PCDH11X: variants seen among roughly 807,000 people sequenced by gnomAD.
The protein encoded by PCDH11X is protocadherin-11 X-linked.
In PCDH11X, 18 loss-of-function variants were observed where a neutral mutation model predicts 53.3. The observed-to-expected ratio is 0.34, with a 90% CI of 0.23 to 0.50. PCDH11X has a LOEUF of 0.50. PCDH11X is among the 20% of genes least tolerant of loss of function. PCDH11X has a pLI of 0.98. For synonymous variants in PCDH11X, 279 were observed against 393.3 expected, an observed-to-expected ratio of 0.71 and a Z score of 3.44; for missense variants, 570 against 1,032.4, an observed-to-expected ratio of 0.55 and a Z score of 6.14.
intron 6 of PCDH11X, among the ~76,000 whole-genome samples, chrX:92,013,189 G>T (rs2062722938): frequency 9.0e-6 from 1 of 111,274 alleles, no homozygotes; most frequent in Non-Finnish European, 1.9e-5. Flanking sequence ...CAAAGTCTCG[G>T]GATACAAAAT....
At position 92,187,666 on chromosome X, in the gene PCDH11X, G is replaced by A. The variant is rs186844860; in HGVS notation, c.3034-13709G>A. ...TTCTGTCAATACTGCTGAAATAACAGATGGTTGAGGTTTTCGTTTAACAAA... is the reference window on the plus strand; with the variant it reads ...TTCTGTCAATACTGCTGAAATAACAAATGGTTGAGGTTTTCGTTTAACAAA... On this transcript the variant is annotated intron_variant, in intron 6 of 10. Transcript: ENST00000682573. Among the ~76,000 whole-genome samples the A allele has an allele frequency of 3.6e-5, 4 of 111,702 alleles. 1 individual carries two copies. Among genetic ancestry groups the A allele is most frequent in the African/African-American group, 1.3e-4 (4 of 30,825 alleles).
chrX:91,974,668 T>C (rs1346557379), intron 6 of PCDH11X, among the ~76,000 whole-genome samples: 4 of 109,677 alleles, frequency 3.6e-5, no homozygotes, highest in Admixed American at 2.9e-4. Context: ...TATAAGAAGC[T>C]ACAATGGCCT....
chrX:92,546,299 T>G (rs1185481459), intron 10 of PCDH11X, among the ~76,000 whole-genome samples: 1 of 111,123 alleles, frequency 9.0e-6, no homozygotes. Context: ...AATATCCATC[T>G]ATCAGATTCT....
rs1936956724 is a variant in PCDH11X, at chrX:91,827,292, C to T, written c.-44-8169C>T. Among the ~76,000 whole-genome samples, 3 of 111,297 alleles carry T rather than the reference C, an allele frequency of 2.7e-5. No homozygotes were observed. In the South Asian group the frequency reaches 1.1e-3, roughly 42 times the overall value. ...AAAAGTGTCTCCTCATGTCCTTTGC[C>T]TACTTGTTCATGGGGTTGTTTTTTT... On this transcript the variant is annotated intron_variant, in intron 4 of 10. Coordinates refer to ENST00000682573, the MANE Select transcript of PCDH11X (RefSeq NM_032968.5).
chrX:91,867,504 A>T, intron 5 of PCDH11X, among the ~76,000 whole-genome samples: 1 of 107,652 alleles, frequency 9.3e-6, no homozygotes, highest in Non-Finnish European at 1.9e-5. Flanking sequence ...TTCTTCTAAA[A>T]CAAAAACAGA....
At chrX:92,611,112 G>T (rs867551709) in intron 10 of PCDH11X, among the ~76,000 whole-genome samples, 4 of 100,297 alleles carry the variant, frequency 4.0e-5, no homozygotes, top group Middle Eastern at 4.9e-3. Flanking sequence ...TTTTAGAACA[G>T]TTTTTTTTTT....
chrX:92,325,152 G>C (rs2069299955), intron 8 of PCDH11X, among the ~76,000 whole-genome samples: 1 of 110,934 alleles, frequency 9.0e-6, no homozygotes, highest in African/African-American at 3.3e-5. Flanking sequence ...GGAACAAAAA[G>C]ATAACTCGTT....
rs192480322 is a variant in PCDH11X at position 92,001,360 on chromosome X, G to T, written c.3033+122087G>T. Among the ~76,000 whole-genome samples, 639 of 110,913 alleles carry T rather than the reference G, an allele frequency of 5.8e-3. 8 individuals carry two copies. Among genetic ancestry groups the T allele is most frequent in the African/African-American group, 0.02 (602 of 30,494 alleles). ...TGAGCACCTTCTCATATGCCTGTTT[G>T]CCATTTGTATGTCTTGTTTTGAGAA... On this transcript the variant is annotated intron_variant, in intron 6 of 10. Transcript: ENST00000682573.
intron 7 of PCDH11X, among the ~76,000 whole-genome samples, chrX:92,259,055 A>T (rs1042569971): frequency 1.1e-4 from 12 of 110,363 alleles, no homozygotes; most frequent in Admixed American, 9.7e-5. Context: ...CAGCTTGGCT[A>T]TCTGTGTCCA....
intron 6 of PCDH11X, among the ~76,000 whole-genome samples, chrX:92,188,022 A>G (rs2066128989): frequency 9.0e-6 from 1 of 111,471 alleles, no homozygotes; most frequent in Admixed American, 9.6e-5. Flanking sequence ...TCTGATTGAG[A>G]CAATTTCACC....
chrX:92,007,227 A>G (rs1480424686), intron 6 of PCDH11X, among the ~76,000 whole-genome samples: 1 of 112,150 alleles, frequency 8.9e-6, no homozygotes, highest in Non-Finnish European at 1.9e-5. Context: ...ATGTGCGTCC[A>G]GAAGAACTGT....
At chrX:92,347,199 C>A (rs1569470570) in intron 8 of PCDH11X, among the ~76,000 whole-genome samples, 1 of 111,356 alleles carries the variant, frequency 9.0e-6, no homozygotes, top group Non-Finnish European at 1.9e-5. Flanking sequence ...CAGACATAAA[C>A]CATGTTACTA....
At position 92,614,837 on chromosome X, in the gene PCDH11X, G is replaced by A. The variant is rs143495718; in HGVS notation, c.3368-3427G>A. ...AAATTCCTAATCCAGGTCGGAGAGCGAGTGCTCCACATGCCTAGAGATATG... is the reference window on the plus strand; with the variant it reads ...AAATTCCTAATCCAGGTCGGAGAGCAAGTGCTCCACATGCCTAGAGATATG... On this transcript the variant is annotated intron_variant, in intron 10 of 10. Coordinates refer to ENST00000682573, the MANE Select transcript of PCDH11X (RefSeq NM_032968.5). Among the ~76,000 whole-genome samples, 298 of 111,932 alleles carry A rather than the reference G, an allele frequency of 2.7e-3. 4 individuals carry two copies. Among genetic ancestry groups the A allele is most frequent in the African/African-American group, 8.9e-3 (274 of 30,805 alleles).
chrX:92,610,063 C>T (rs1927210309), intron 10 of PCDH11X, among the ~76,000 whole-genome samples: 1 of 111,865 alleles, frequency 8.9e-6, no homozygotes, highest in African/African-American at 3.2e-5. Flanking sequence ...CATGCAAGTG[C>T]ATGTGTCTTT....
chrX:92,314,972 T>C (rs758431560), intron 8 of PCDH11X, among the ~76,000 whole-genome samples: 31 of 111,281 alleles, frequency 2.8e-4, no homozygotes, highest in Non-Finnish European at 4.7e-4. Flanking sequence ...ATGTTTAAAT[T>C]TGAACGCTTA....
intron 10 of PCDH11X, among the ~76,000 whole-genome samples, chrX:92,469,956 T>A (rs978575409): frequency 9.2e-6 from 1 of 108,447 alleles, no homozygotes; most frequent in Non-Finnish European, 1.9e-5. Flanking sequence ...TCGTGATTAT[T>A]TTACAGGGGT....
rs1385218159 is a variant in PCDH11X at position 92,155,831 on chromosome X, T to C, written c.3034-45544T>C. On this transcript the variant is annotated intron_variant, in intron 6 of 10. Transcript: ENST00000682573. The stretch of plus-strand genomic sequence containing the variant: ...TTTTAGTAGAGACGGGGTTTCACCA[T>C]ATTTGCCAGGATGGTCTCGATCTCC... Among the ~76,000 whole-genome samples the C allele has an allele frequency of 2.8e-5, 3 of 107,767 alleles. No homozygotes were observed. In the Admixed American group the frequency reaches 3.0e-4, roughly 11 times the overall value. 93.6% of individuals were successfully genotyped at this position (107,767 alleles called of 115,157 possible).
At chrX:91,976,874 A>G (rs2062053818) in intron 6 of PCDH11X, among the ~76,000 whole-genome samples, 1 of 112,291 alleles carries the variant, frequency 8.9e-6, no homozygotes, top group African/African-American at 3.2e-5. Context: ...ATATTTATCC[A>G]TATTACCTCT....
At chrX:92,599,759 G>A (rs1401424679) in intron 10 of PCDH11X, among the ~76,000 whole-genome samples, 1 of 111,655 alleles carries the variant, frequency 9.0e-6, no homozygotes, top group African/African-American at 3.3e-5. Context: ...GGAACAGTTT[G>A]TAGGGCTCAG....
Sources: allele counts gnomAD v4.1 joint callset (sites outside exome capture counted in the v4.1 genomes callset), GRCh38; gene constraint gnomAD v4.1.1; transcripts MANE v1.5; gene names NCBI Gene and HGNC (gene_info 2026-07-23, HGNC 2026-07-21).